CTBP1: variants seen among roughly 807,000 people sequenced by gnomAD.
CTBP1 encodes the protein C-terminal-binding protein 1.
A neutral mutation model predicts 42.1 loss-of-function variants in CTBP1; 11 were observed. The observed-to-expected ratio is 0.26, with a 90% CI of 0.16 to 0.43. CTBP1 has a LOEUF of 0.43. Among genes scored for constraint, CTBP1 ranks in the 20% least tolerant of loss-of-function variants. The pLI is 1.00. For synonymous variants in CTBP1, 324 were observed against 277.1 expected (o/e 1.17, Z -1.68); for missense variants, 399 against 624.3 (o/e 0.64, Z 3.85).
intron 5 of CTBP1, chr4:1,221,876 G>T (rs976570794): frequency 4.9e-6 from 2 of 411,330 alleles, no homozygotes; most frequent in African/African-American, 2.1e-5. Flanking sequence ...AGGAAGGAAG[G>T]GAAGGAGGGA....
chr4:1,212,884 G>T (rs1207270431), intron 9 of CTBP1, 29 bp downstream of exon 9: 1 of 1,589,362 alleles, frequency 6.3e-7, no homozygotes, highest in Non-Finnish European at 8.6e-7. Flanking sequence ...CCCTCCTGGA[G>T]GCTGTTCTGG....
At chr4:1,221,337 G>A (rs898503833) in intron 5 of CTBP1, 1 of 152,420 alleles carries the variant, frequency 6.6e-6, no homozygotes. Flanking sequence ...GCCCCTGCCT[G>A]AAGAACAGCG....
At chr4:1,225,653 GAAGCTTCCC>G in intron 4 of CTBP1, 87 bp from the exon 5 acceptor site, 1 of 1,362,580 alleles carries the variant, frequency 7.3e-7, no homozygotes, top group Non-Finnish European at 9.9e-7. Context: ...GAGCGGGTTT[GAAGCTTCCC>G]AAGGAAGAAG....
chr4:1,229,736 G>A (rs1286524137), intron 3 of CTBP1, among the ~76,000 whole-genome samples: 2 of 152,152 alleles, frequency 1.3e-5, no homozygotes, highest in African/African-American at 4.8e-5. Flanking sequence ...CCAGGAAGAC[G>A]CTCACCACCC....
chr4:1,212,586 C>A lies in CTBP1; in HGVS notation c.1107-163G>T, dbSNP rs892737702. 25 of 680,942 alleles carry A rather than the reference C, an allele frequency of 3.7e-5. No homozygotes were observed. The Admixed American group carries it at 5.8e-4, about 16-fold the overall frequency. The allele number at this position is 680,942 out of a possible 1,614,324, so 42.2% of individuals were successfully genotyped here. A position where few individuals can be genotyped will look rare whatever the true frequency, so the allele number is the denominator to read the frequency against. On this transcript the variant is annotated intron_variant, in intron 9 of 9. Transcript: ENST00000382952. ...CGGATGTTCCTGCCTATGGCAGCTACTTCTCAGGGCTGGGGAGGGGAGCCC... is the reference window on the plus strand; with the variant it reads ...CGGATGTTCCTGCCTATGGCAGCTAATTCTCAGGGCTGGGGAGGGGAGCCC...
At chr4:1,248,031 G>A (rs891959534) in intron 1 of CTBP1, among the ~76,000 whole-genome samples, 7 of 152,366 alleles carry the variant, frequency 4.6e-5, no homozygotes, top group African/African-American at 1.7e-4. Flanking sequence ...TCTCGGCCCG[G>A]GGCTCAGGCG....
Position 1,212,979 on chromosome 4 carries a change from G to A in CTBP1, c.1040C>T (p.Ala347Val). ...GTCCATGCTGGCCCAGTGGGTGGCG[G>A]CTGTCAGATGGTCCTTGTTGACACA... ...KNCVNKDHLT[A>V]ATHWASMDPA... Residue 347 changes from alanine (A) to valine (V), a missense_variant, in exon 9 of 10, where the codon GCC becomes GTC. By Grantham distance (64) the Ala-to-Val change is moderately conservative. Around this residue, in one of 4 missense-constraint regions of CTBP1, gnomAD observed 309 missense variants for 497.5 expected, o/e 0.62. Transcript: ENST00000382952. 6.2e-7 allele frequency: 1 copy of A among 1,613,924 alleles called. No homozygotes were observed. Among genetic ancestry groups the A allele is most frequent in the Non-Finnish European group, 8.5e-7 (1 of 1,180,004 alleles).
At chr4:1,230,297 G>A (rs1037664512) in intron 3 of CTBP1, among the ~76,000 whole-genome samples, 12 of 152,328 alleles carry the variant, frequency 7.9e-5, no homozygotes, top group Admixed American at 3.9e-4. Context: ...GGAGGCGAGC[G>A]GTGCGGCCAG....
intron 1 of CTBP1, among the ~76,000 whole-genome samples, chr4:1,246,194 C>T (rs1732705039): frequency 6.6e-6 from 1 of 152,148 alleles, no homozygotes; most frequent in Non-Finnish European, 1.5e-5. Flanking sequence ...CAATGGAGGA[C>T]CCGGGGGTCC....
rs529846447 is a variant in CTBP1 at position 1,212,125 on chromosome 4, C to A, written c.*115G>T. On this transcript the variant is annotated 3_prime_UTR_variant, in exon 10 of 10. Transcript: ENST00000382952. ...CTGCCCCCTCCCGCCTCCTGACAGC[C>A]CGGACCAGTCTCTGCAGTGCCAGGG... 2 of 926,492 alleles carry A rather than the reference C, an allele frequency of 2.2e-6. No individual in the cohort carries two copies. Among genetic ancestry groups the A allele is most frequent in the Middle Eastern group, 3.6e-4 (1 of 2,744 alleles). 57.4% of individuals were successfully genotyped at this position (926,492 alleles called of 1,614,324 possible). A position where few individuals can be genotyped will look rare whatever the true frequency, so the allele number is the denominator to read the frequency against.
chr4:1,248,785 A>G (rs1310618397), intron 1 of CTBP1, 131 bp downstream of exon 1: 56 of 947,436 alleles, frequency 5.9e-5, no homozygotes, highest in East Asian at 1.2e-4. Context: ...GCCGGCGCGC[A>G]CGCGCACTCG....
intron 1 of CTBP1, chr4:1,243,141 C>G: frequency 2.0e-6 from 2 of 985,464 alleles, no homozygotes; most frequent in Non-Finnish European, 2.4e-6. Flanking sequence ...CCGGCCAATA[C>G]TCAATACTGC....
intron 3 of CTBP1, among the ~76,000 whole-genome samples, chr4:1,229,383 G>A (rs933465799): frequency 2.6e-5 from 4 of 152,248 alleles, no homozygotes; most frequent in African/African-American, 7.2e-5. Flanking sequence ...GCGAACAGCC[G>A]TGGCTGAGGA....
rs559228437 is a variant in CTBP1 at position 1,247,626 on chromosome 4, G to A, written c.-189+1290C>T. Among the ~76,000 whole-genome samples, 204 of 152,292 alleles carry A rather than the reference G, an allele frequency of 1.3e-3. 1 individual carries two copies. In the Middle Eastern group the frequency reaches 0.014, roughly 10 times the overall value. ...CCCAACCCTGCCCCAAGCTGCAGAC[G>A]GGTACACAGACGCGCAAAGGCCACG... On this transcript the variant is annotated intron_variant, in intron 1 of 9. Coordinates refer to ENST00000382952, the MANE Select transcript of CTBP1 (RefSeq NM_001012614.2).
intron 2 of CTBP1, 135 bp downstream of exon 2, chr4:1,241,190 C>A: frequency 2.6e-6 from 2 of 756,430 alleles, no homozygotes; most frequent in South Asian, 2.8e-5. Flanking sequence ...CACCGGGGGT[C>A]AGGTGGCAGC....
At chr4:1,237,762 T>A in intron 3 of CTBP1, 1 of 692,428 alleles carries the variant, frequency 1.4e-6, no homozygotes, top group Non-Finnish European at 2.6e-6. Flanking sequence ...CACCTCCTGA[T>A]GGGGCTCAGG....
intron 3 of CTBP1, among the ~76,000 whole-genome samples, chr4:1,234,410 TCTCG>T (rs1225639918): frequency 2.0e-5 from 3 of 152,204 alleles, no homozygotes; most frequent in Non-Finnish European, 2.9e-5. Flanking sequence ...TTCCCAACAC[TCTCG>T]TCTCTTCCAA....
At chr4:1,214,590 G>T (rs1225873345) in intron 6 of CTBP1, 117 bp from the exon 7 acceptor site, 1 of 1,315,750 alleles carries the variant, frequency 7.6e-7, no homozygotes, top group Non-Finnish European at 1.0e-6. Context: ...CCCCTTCCCA[G>T]CCCCACCCTG....
intron 2 of CTBP1, among the ~76,000 whole-genome samples, chr4:1,239,940 T>TGCACGTGGCCTCCCTCC (rs1456872185): frequency 6.6e-6 from 1 of 152,244 alleles, no homozygotes; most frequent in Non-Finnish European, 1.5e-5. Flanking sequence ...GGCCTCCCTC[T>TGCACGTGGCCTCCCTCC]GCACGTGGCC....
Sources: gnomAD v4.1 joint callset for allele counts (sites outside exome capture counted in the v4.1 genomes callset) on GRCh38, gnomAD v4.1.1 for gene constraint, gnomAD v4.1.1 regional missense constraint, MANE v1.5 for transcripts, NCBI Gene and HGNC (gene_info 2026-07-23, HGNC 2026-07-21) for gene names.